Variants in ST6GALNAC3 observed in about 807,000 individuals in gnomAD.
ST6GALNAC3 encodes the protein ST6 N-acetylgalactosaminide alpha-2,6-sialyltransferase 3, also known as alpha-N-acetylgalactosaminide alpha-2,6-sialyltransferase 3.
A neutral mutation model predicts 32.7 loss-of-function variants in ST6GALNAC3; 25 were observed. The observed-to-expected ratio is 0.76, with a 90% CI of 0.56 to 1.07. ST6GALNAC3 has a LOEUF of 1.07. Among genes scored for constraint, ST6GALNAC3 ranks in the 50% least tolerant of loss-of-function variants. ST6GALNAC3 has a pLI of 0.00. For synonymous variants in ST6GALNAC3, 129 were observed against 133.1 expected, an observed-to-expected ratio of 0.97 and a Z score of 0.21; for missense variants, 355 against 382.4, an observed-to-expected ratio of 0.93 and a Z score of 0.60.
At chr1:76,570,851 C>T (rs1016438901) in intron 3 of ST6GALNAC3, among the ~76,000 whole-genome samples, 2 of 151,908 alleles carry the variant, frequency 1.3e-5, no homozygotes, top group Admixed American at 6.6e-5. Context: ...CTCCTTTAAT[C>T]GCTCAATGAT....
chr1:76,330,213 C>T (rs1198927724), intron 2 of ST6GALNAC3, among the ~76,000 whole-genome samples: 2 of 150,006 alleles, frequency 1.3e-5, no homozygotes, highest in Non-Finnish European at 3.0e-5. Flanking sequence ...AGTGCAGTGG[C>T]GTGATCTCAG....
intron 3 of ST6GALNAC3, among the ~76,000 whole-genome samples, chr1:76,462,053 C>A (rs550773802): frequency 6.6e-6 from 1 of 152,072 alleles, no homozygotes; most frequent in Non-Finnish European, 1.5e-5. Context: ...TCCTTGGCAC[C>A]CTGTACGTGC....
chr1:76,485,335 G>A (rs1196428238), intron 3 of ST6GALNAC3, among the ~76,000 whole-genome samples: 1 of 152,138 alleles, frequency 6.6e-6, no homozygotes, highest in South Asian at 2.1e-4. Context: ...GAATTAGGCT[G>A]TGAATCCATC....
intron 3 of ST6GALNAC3, among the ~76,000 whole-genome samples, chr1:76,431,284 G>C (rs1180086824): frequency 1.3e-5 from 2 of 152,134 alleles, no homozygotes; most frequent in Non-Finnish European, 2.9e-5. Flanking sequence ...TGGGAAGCCA[G>C]CTCACTTCCA....
chr1:76,328,289 A>G (rs1031900913), intron 2 of ST6GALNAC3, among the ~76,000 whole-genome samples: 6 of 152,164 alleles, frequency 3.9e-5, no homozygotes, highest in African/African-American at 1.4e-4. Flanking sequence ...TTTTTGTTGA[A>G]TTGGGGAACT....
intron 1 of ST6GALNAC3, among the ~76,000 whole-genome samples, chr1:76,169,143 TG>T (rs1376469559): frequency 5.9e-5 from 9 of 152,226 alleles, no homozygotes; most frequent in Non-Finnish European, 1.2e-4. Flanking sequence ...AAGGTAGGTC[TG>T]GTGGTAATGT....
At chr1:76,400,432 C>G (rs578158847) in intron 2 of ST6GALNAC3, among the ~76,000 whole-genome samples, 2 of 152,112 alleles carry the variant, frequency 1.3e-5, no homozygotes, top group South Asian at 4.1e-4. Flanking sequence ...TGAAATATAA[C>G]AGCCAACAGA....
chr1:76,247,466 G>A (rs1657334239), intron 1 of ST6GALNAC3, among the ~76,000 whole-genome samples: 1 of 152,054 alleles, frequency 6.6e-6, no homozygotes, highest in South Asian at 2.1e-4. Context: ...GAAGATGAGA[G>A]TTGTATCTGT....
intron 1 of ST6GALNAC3, among the ~76,000 whole-genome samples, chr1:76,125,056 T>A (rs910525814): frequency 4.6e-5 from 7 of 152,228 alleles, no homozygotes; most frequent in Non-Finnish European, 8.8e-5. Context: ...TTAATTTCAC[T>A]TGTTTCTCTT....
chr1:76,626,686 T>C (rs1648988571), intron 3 of ST6GALNAC3, among the ~76,000 whole-genome samples: 1 of 151,896 alleles, frequency 6.6e-6, no homozygotes, highest in South Asian at 2.1e-4. Flanking sequence ...CCTCTGTCTT[T>C]TTCAGATCTT....
intron 1 of ST6GALNAC3, among the ~76,000 whole-genome samples, chr1:76,183,081 A>G (rs925651312): frequency 1.3e-5 from 2 of 152,132 alleles, no homozygotes; most frequent in East Asian, 1.9e-4. Flanking sequence ...TTTGTTTAAT[A>G]TATGGTTATG....
intron 3 of ST6GALNAC3, among the ~76,000 whole-genome samples, chr1:76,436,817 C>T (rs983427460): frequency 6.6e-6 from 1 of 152,122 alleles, no homozygotes; most frequent in Non-Finnish European, 1.5e-5. Flanking sequence ...CCAAACTTAG[C>T]TTCATTTAGG....
chr1:76,153,220 T>A (rs1018778907), intron 1 of ST6GALNAC3, among the ~76,000 whole-genome samples: 9 of 152,182 alleles, frequency 5.9e-5, no homozygotes, highest in Non-Finnish European at 1.3e-4. Context: ...TTGGATGCCA[T>A]TGTGAATTTT....
intron 2 of ST6GALNAC3, among the ~76,000 whole-genome samples, chr1:76,361,386 A>G (rs1649921277): frequency 6.6e-6 from 1 of 152,108 alleles, no homozygotes; most frequent in Non-Finnish European, 1.5e-5. Flanking sequence ...AGGATCATTC[A>G]TGTTGTAGCA....
intron 3 of ST6GALNAC3, among the ~76,000 whole-genome samples, chr1:76,588,614 T>C (rs1418068380): frequency 6.6e-6 from 1 of 152,186 alleles, no homozygotes; most frequent in African/African-American, 2.4e-5. Context: ...GAAACACCAT[T>C]TGGGGGCTCC....
chr1:76,524,436 T>C (rs1261131911), intron 3 of ST6GALNAC3, among the ~76,000 whole-genome samples: 1 of 152,146 alleles, frequency 6.6e-6, no homozygotes, highest in African/African-American at 2.4e-5. Context: ...ACTATATATG[T>C]TATAGTTATC....
At chr1:76,449,783 A>G (rs1657255498) in intron 3 of ST6GALNAC3, among the ~76,000 whole-genome samples, 1 of 152,084 alleles carries the variant, frequency 6.6e-6, no homozygotes, top group African/African-American at 2.4e-5. Flanking sequence ...CTTTTGTCAG[A>G]TTGCCTTATT....
intron 2 of ST6GALNAC3, among the ~76,000 whole-genome samples, chr1:76,317,047 A>G (rs1448433455): frequency 6.6e-6 from 1 of 152,156 alleles, no homozygotes; most frequent in Non-Finnish European, 1.5e-5. Flanking sequence ...TGCATCATGA[A>G]TGCAGGTGAT....
chr1:76,420,774 G>A (rs993552577), intron 3 of ST6GALNAC3, among the ~76,000 whole-genome samples: 5 of 151,890 alleles, frequency 3.3e-5, no homozygotes, highest in Non-Finnish European at 5.9e-5. Flanking sequence ...AGTTCCCTCT[G>A]CCTAAATTGC....
Sources: gnomAD v4.1 joint callset for allele counts (sites outside exome capture counted in the v4.1 genomes callset) on GRCh38, gnomAD v4.1.1 for gene constraint, MANE v1.5 for transcripts, NCBI Gene and HGNC (gene_info 2026-07-23, HGNC 2026-07-21) for gene names.